The following CHST1 variants were observed in gnomAD, a reference collection of about 807,000 sequenced individuals.
CHST1 encodes the protein carbohydrate sulfotransferase 1.
A neutral mutation model predicts 22.5 loss-of-function variants in CHST1; 10 were observed. That is an observed-to-expected ratio of 0.44 (90% CI 0.27 to 0.75). The LOEUF (loss-of-function observed/expected upper bound fraction) is 0.75. Ranked by LOEUF, CHST1 falls within the 30% of genes least tolerant of loss-of-function variation. CHST1 has a pLI of 0.15. For synonymous variants in CHST1, 267 were observed against 264.5 expected, an observed-to-expected ratio of 1.01 and a Z score of -0.09; for missense variants, 439 against 576.1, an observed-to-expected ratio of 0.76 and a Z score of 2.44.
At chr11:45,653,027 G>A (rs1022768992) in intron 1 of CHST1, among the ~76,000 whole-genome samples, 6 of 152,350 alleles carry the variant, frequency 3.9e-5, no homozygotes, top group Admixed American at 3.9e-4. Flanking sequence ...CTGAGACTTA[G>A]AGCATGTTCC....
rs1852185170 is a variant in CHST1, at chr11:45,665,266, T to TGGC, written c.-318_-316dup. 1 of 150,390 alleles carries TGGC rather than the reference T, an allele frequency of 6.6e-6. No individual in the cohort carries two copies. Among genetic ancestry groups the TGGC allele is most frequent in the Middle Eastern group, 3.4e-3 (1 of 294 alleles). The allele number at this position is 150,390 out of a possible 1,614,324, so 9.3% of individuals were successfully genotyped here. Reference sequence around the variant, plus strand: ...GTCAGGGTCGCCGGGGACCCGCGGGTGGCGGCGGCGGCAGCAGCCGCGGCG... The same window carrying TGGC: ...GTCAGGGTCGCCGGGGACCCGCGGGTGGCGGCGGCGGCGGCAGCAGCCGCGGCG... On this transcript the variant is annotated 5_prime_UTR_variant, in exon 1 of 4. Coordinates refer to ENST00000308064, the MANE Select transcript of CHST1 (RefSeq NM_003654.6). The surrounding 1 kb of genome is among the most constrained non-coding windows in gnomAD (Gnocchi z 4.0).
chr11:45,657,948 C>A (rs1210924538), intron 1 of CHST1, among the ~76,000 whole-genome samples: 1 of 152,240 alleles, frequency 6.6e-6, no homozygotes, highest in Non-Finnish European at 1.5e-5. Context: ...AGACAAGCAC[C>A]TGGAGAGCAA....
chr11:45,663,378 G>C (rs185155767), intron 1 of CHST1, among the ~76,000 whole-genome samples: 1 of 152,282 alleles, frequency 6.6e-6, no homozygotes, highest in East Asian at 1.9e-4. Context: ...AGAGTGGTCA[G>C]GGGGATACAT....
At position 45,648,767 on chromosome 11, in the gene CHST1, T is replaced by G. The variant is rs1024469206; in HGVS notation, c.*921A>C. 6.6e-6 allele frequency: 1 copy of G among 152,282 alleles called. No homozygotes were observed. Among genetic ancestry groups the G allele is most frequent in the African/African-American group, 2.4e-5 (1 of 41,410 alleles). 9.4% of individuals were successfully genotyped at this position (152,282 alleles called of 1,614,324 possible). On this transcript the variant is annotated 3_prime_UTR_variant, in exon 4 of 4. Transcript: ENST00000308064. ...GAGTTCTGAAAGGCAGACTTGTCAT[T>G]TAATTCCCACCTCCACCTCTCTCTC...
chr11:45,656,339 C>T (rs1385894086), intron 1 of CHST1, among the ~76,000 whole-genome samples: 2 of 152,216 alleles, frequency 1.3e-5, no homozygotes, highest in East Asian at 3.9e-4. Context: ...ATCAGAGAAG[C>T]CTCCTCAGAC....
rs1008228902 is a variant in CHST1 at position 45,647,822 on chromosome 11, T to A, written c.*1866A>T. On this transcript the variant is annotated 3_prime_UTR_variant, in exon 4 of 4. Transcript: ENST00000308064. ...AAATCACCTATCTTGATTAAGCCAC[T>A]ATTAGTTAAGGCATTTGCTAGAGCT... 3.3e-5 allele frequency among the ~76,000 whole-genome samples: 5 copies of A among 152,214 alleles called. No individual in the cohort carries two copies. Among genetic ancestry groups the A allele is most frequent in the Non-Finnish European group, 5.9e-5 (4 of 68,024 alleles).
At chr11:45,653,136 G>A (rs973850652) in intron 1 of CHST1, among the ~76,000 whole-genome samples, 8 of 152,110 alleles carry the variant, frequency 5.3e-5, no homozygotes, top group Admixed American at 4.6e-4. Context: ...ACTATTTGAC[G>A]TGACTCCTTT....
intron 1 of CHST1, among the ~76,000 whole-genome samples, chr11:45,655,382 G>A (rs570039748): frequency 2.0e-5 from 3 of 152,318 alleles, no homozygotes; most frequent in East Asian, 1.9e-4. Context: ...CTCCTCTCCC[G>A]GCCTGGGAAC....
At chr11:45,663,734 G>A (rs1311065611) in intron 1 of CHST1, among the ~76,000 whole-genome samples, 3 of 152,010 alleles carry the variant, frequency 2.0e-5, no homozygotes, top group Non-Finnish European at 2.9e-5. Flanking sequence ...ATGAGGGACT[G>A]GCAACAGGAA....
At position 45,648,871 on chromosome 11, in the gene CHST1, C is replaced by T. The variant is rs1389313859; in HGVS notation, c.*817G>A. ...CCATTCAGAATGTCCTGCAATCACA[C>T]ACAGAGATTATTGCACTCTTTTATT... is the stretch of plus-strand genomic sequence containing the variant. On this transcript the variant is annotated 3_prime_UTR_variant, in exon 4 of 4. Transcript: ENST00000308064. 1 of 152,666 alleles carries T rather than the reference C, an allele frequency of 6.6e-6. No individual in the cohort carries two copies. Among genetic ancestry groups the T allele is most frequent in the East Asian group, 1.9e-4 (1 of 5,200 alleles). 9.5% of individuals were successfully genotyped at this position (152,666 alleles called of 1,614,324 possible).
chr11:45,651,776 TC>T, intron 3 of CHST1: 1 of 152,316 alleles, frequency 6.6e-6, no homozygotes, highest in Non-Finnish European at 1.5e-5. Context: ...GTCAGGGGCC[TC>T]CCCTCTTACC....
chr11:45,658,334 C>G (rs1172569131), intron 1 of CHST1, among the ~76,000 whole-genome samples: 1 of 152,232 alleles, frequency 6.6e-6, no homozygotes, highest in Non-Finnish European at 1.5e-5. Flanking sequence ...CAGTGCTAGG[C>G]ACAGAGCAAA....
intron 1 of CHST1, among the ~76,000 whole-genome samples, chr11:45,656,802 G>A (rs937547987): frequency 1.4e-5 from 2 of 142,954 alleles, no homozygotes; most frequent in Admixed American, 1.5e-4. Flanking sequence ...TTTTCCGCCA[G>A]AAATGGGCTT....
chr11:45,663,501 C>G (rs774321483), intron 1 of CHST1, among the ~76,000 whole-genome samples: 1 of 152,196 alleles, frequency 6.6e-6, no homozygotes, highest in Non-Finnish European at 1.5e-5. Context: ...ATTGCAACTA[C>G]TCAGCAAAGA....
At position 45,647,795 on chromosome 11, in the gene CHST1, G is replaced by T. The variant is rs1205165010; in HGVS notation, c.*1893C>A. 6.6e-6 allele frequency among the ~76,000 whole-genome samples: 1 copy of T among 152,162 alleles called. No individual in the cohort carries two copies. The highest frequency in any genetic ancestry group is 1.5e-5 in the Non-Finnish European group (1 of 68,010). ...TACCCCAGTAAAATTTTTTACAAAAGAAAATCACCTATCTTGATTAAGCCA... is the reference window on the plus strand; with the variant it reads ...TACCCCAGTAAAATTTTTTACAAAATAAAATCACCTATCTTGATTAAGCCA... On this transcript the variant is annotated 3_prime_UTR_variant, in exon 4 of 4. Coordinates refer to ENST00000308064, the MANE Select transcript of CHST1 (RefSeq NM_003654.6).
In CHST1 at chr11:45,649,822, T is replaced by C. The variant is rs767100037; in HGVS notation, c.1102A>G (p.Ile368Val). 1 of 1,611,794 alleles carries C rather than the reference T, an allele frequency of 6.2e-7. No individual in the cohort carries two copies. Among genetic ancestry groups the C allele is most frequent in the Non-Finnish European group, 8.5e-7 (1 of 1,179,932 alleles). The change falls in exon 4 of 4, where the codon ATC becomes GTC. Residue 368 changes from isoleucine (I) to valine (V), a missense_variant. Transcript: ENST00000308064. The stretch of plus-strand genomic sequence containing the variant: ...CAGGCGTTCTGGGCAAAGGCCACGA[T>C]GTCGTAGGAGAGGCGGAAGCGCCAC... ...EKWRFRLSYD[I>V]VAFAQNACQQ...
rs1211097359 is a variant in CHST1 at position 45,650,385 on chromosome 11, T to C, written c.539A>G (p.Asp180Gly). ...GAGTAGCCCGCACTTGCGCACACAG[T>C]CCCCCTCCTCCAGGACCAGGTCGGC... ...GPADLVLEEG[D>G]CVRKCGLLNL... is the part of the protein sequence containing the mutation. Residue 180 changes from aspartate (D) to glycine (G), a missense_variant, in exon 4 of 4, where the codon GAC (aspartate) becomes GGC (glycine). Transcript: ENST00000308064. 5 of 1,603,830 alleles carry C rather than the reference T, an allele frequency of 3.1e-6. No individual in the cohort carries two copies. The highest frequency in any genetic ancestry group is 4.2e-6 in the Non-Finnish European group (5 of 1,179,682).
At chr11:45,662,939 G>T (rs977402707) in intron 1 of CHST1, among the ~76,000 whole-genome samples, 1 of 152,120 alleles carries the variant, frequency 6.6e-6, no homozygotes, top group African/African-American at 2.4e-5. Context: ...GTTGGTCCAA[G>T]TCCCGCCACA....
At position 45,650,057 on chromosome 11, in the gene CHST1, C is replaced by G. The variant is rs1851971648; in HGVS notation, c.867G>C (p.Arg289=). 3 of 1,613,978 alleles carry G rather than the reference C, an allele frequency of 1.9e-6. No individual in the cohort carries two copies. The highest frequency in any genetic ancestry group is 1.3e-5 in the African/African-American group (1 of 74,930). ...FSNSVSTGLM[R]PPWLKGKYML... is the part of the protein sequence containing the mutation. ...TGTACTTGCCCTTGAGCCACGGGGG[C>G]CGCATGAGGCCGGTGGACACGGAGT... Residue 289 remains arginine, a synonymous_variant, in exon 4 of 4, where the codon CGG becomes CGC. Coordinates refer to ENST00000308064, the MANE Select transcript of CHST1 (RefSeq NM_003654.6).
Sources: gnomAD v4.1 joint callset for allele counts (sites outside exome capture counted in the v4.1 genomes callset) on GRCh38, gnomAD v4.1.1 for gene constraint, Gnocchi (gnomAD v3.1) non-coding constraint, MANE v1.5 for transcripts, NCBI Gene and HGNC (gene_info 2026-07-23, HGNC 2026-07-21) for gene names.